DSCAM: variants seen among roughly 807,000 people sequenced by gnomAD.
DSCAM encodes DS cell adhesion molecule.
DSCAM carries 47 observed loss-of-function variants against 217.7 expected under a neutral mutation model. The observed-to-expected ratio is 0.22, with a 90% CI of 0.17 to 0.28. The LOEUF (loss-of-function observed/expected upper bound fraction) is 0.28. Ranked by LOEUF, DSCAM falls within the 10% of genes least tolerant of loss-of-function variation. DSCAM has a pLI of 1.00. For synonymous variants in DSCAM, 1,056 were observed against 1,015.3 expected (o/e 1.04, Z -0.76); for missense variants, 2,080 against 2,618.3 (o/e 0.79, Z 4.49).
chr21:40,607,050 G>A (rs1419129852), intron 3 of DSCAM, among the ~76,000 whole-genome samples: 1 of 152,008 alleles, frequency 6.6e-6, no homozygotes, highest in African/African-American at 2.4e-5. Flanking sequence ...CCTTTTTCCT[G>A]TATAAATTAC....
chr21:40,138,599 G>GAT (rs2090243530), intron 18 of DSCAM, among the ~76,000 whole-genome samples: 1 of 140,544 alleles, frequency 7.1e-6, no homozygotes, highest in Non-Finnish European at 1.5e-5. Flanking sequence ...ATGTGGTGTA[G>GAT]GTGAGGTGTG....
chr21:40,469,738 A>G (rs1395362215), intron 3 of DSCAM, among the ~76,000 whole-genome samples: 9 of 152,238 alleles, frequency 5.9e-5, no homozygotes, highest in Non-Finnish European at 1.3e-4. Context: ...TAAATACCAG[A>G]AATTTAGTTA....
chr21:40,840,039 G>A (rs561937044), intron 1 of DSCAM, among the ~76,000 whole-genome samples: 40 of 152,220 alleles, frequency 2.6e-4, no homozygotes, highest in African/African-American at 7.7e-4. Flanking sequence ...AAAAATCAGC[G>A]TTGATCACAT....
intron 30 of DSCAM, among the ~76,000 whole-genome samples, chr21:40,051,638 T>A (rs2088933131): frequency 6.6e-6 from 1 of 152,222 alleles, no homozygotes; most frequent in Non-Finnish European, 1.5e-5. Flanking sequence ...TCTATCCCAA[T>A]ACTGGCATAC....
At chr21:40,767,612 C>T (rs2091404977) in intron 1 of DSCAM, among the ~76,000 whole-genome samples, 1 of 152,194 alleles carries the variant, frequency 6.6e-6, no homozygotes, top group African/African-American at 2.4e-5. Context: ...TGCAAAGTAT[C>T]AGCCTGTCGT....
intron 3 of DSCAM, among the ~76,000 whole-genome samples, chr21:40,625,083 CATT>C (rs1260686858): frequency 6.6e-6 from 1 of 151,828 alleles, no homozygotes; most frequent in Admixed American, 6.6e-5. Context: ...TAGTTTAAAT[CATT>C]ATTATTTAGG....
chr21:40,575,830 C>G (rs1288243682), intron 3 of DSCAM, among the ~76,000 whole-genome samples: 2 of 151,528 alleles, frequency 1.3e-5, no homozygotes, highest in Non-Finnish European at 2.9e-5. Context: ...AAAAATTAGG[C>G]AAATGACCTG....
intron 26 of DSCAM, 62 bp downstream of exon 26, chr21:40,078,625 C>A (rs1288908209): frequency 4.3e-5 from 67 of 1,566,778 alleles, no homozygotes; most frequent in Non-Finnish European, 5.5e-5. Flanking sequence ...GGGAAAGGGG[C>A]AGGGCCCACG....
intron 32 of DSCAM, among the ~76,000 whole-genome samples, chr21:40,033,043 A>G (rs2088557992): frequency 6.6e-6 from 1 of 152,132 alleles, no homozygotes; most frequent in Admixed American, 6.6e-5. Flanking sequence ...CATTTGTTCC[A>G]CCCTTATCCA....
At chr21:40,483,442 T>A (rs2075999327) in intron 3 of DSCAM, among the ~76,000 whole-genome samples, 1 of 152,222 alleles carries the variant, frequency 6.6e-6, no homozygotes, top group East Asian at 1.9e-4. Context: ...GGTTTTAGTG[T>A]CACTGGCCAA....
At chr21:40,493,188 C>G (rs1476329683) in intron 3 of DSCAM, among the ~76,000 whole-genome samples, 2 of 152,156 alleles carry the variant, frequency 1.3e-5, no homozygotes, top group Admixed American at 1.3e-4. Flanking sequence ...CTTGCCAACA[C>G]TTATATTTTT....
At chr21:40,053,563 A>G (rs1037462776) in intron 29 of DSCAM, among the ~76,000 whole-genome samples, 2 of 152,238 alleles carry the variant, frequency 1.3e-5, no homozygotes, top group Admixed American at 1.3e-4. Context: ...GAGGTTAACC[A>G]TTCATTCTAG....
At chr21:40,517,123 GTATA>G (rs576161361) in intron 3 of DSCAM, among the ~76,000 whole-genome samples, 2 of 146,212 alleles carry the variant, frequency 1.4e-5, no homozygotes, top group East Asian at 4.0e-4. Flanking sequence ...TACCTTATGT[GTATA>G]TATATATACC....
intron 1 of DSCAM, among the ~76,000 whole-genome samples, chr21:40,829,612 T>TG (rs1955907906): frequency 6.6e-6 from 1 of 152,166 alleles, no homozygotes; most frequent in Admixed American, 6.6e-5. Flanking sequence ...AAGTTGGCGT[T>TG]GGAGTCAGCT....
intron 1 of DSCAM, among the ~76,000 whole-genome samples, chr21:40,833,263 T>C (rs1449177604): frequency 6.6e-6 from 1 of 152,160 alleles, no homozygotes; most frequent in East Asian, 1.9e-4. Flanking sequence ...ACGGTTTCAA[T>C]ATTTCCCAGA....
intron 8 of DSCAM, among the ~76,000 whole-genome samples, chr21:40,312,630 C>T (rs529396050): frequency 6.6e-6 from 1 of 152,298 alleles, no homozygotes; most frequent in South Asian, 2.1e-4. Context: ...ACATTTCAGA[C>T]TATATCTGTA....
intron 27 of DSCAM, among the ~76,000 whole-genome samples, chr21:40,073,947 A>C (rs2089329836): frequency 6.6e-6 from 1 of 152,222 alleles, no homozygotes; most frequent in Non-Finnish European, 1.5e-5. Context: ...CAGATGAAGT[A>C]CAATGTACTT....
Position 40,347,962 on chromosome 21 carries a change from G to C in DSCAM, c.935-17C>G, listed in dbSNP as rs1054476953. 5.0e-6 allele frequency: 8 copies of C among 1,597,426 alleles called. No homozygotes were observed. Among genetic ancestry groups the C allele is most frequent in the East Asian group, 2.2e-5 (1 of 44,646 alleles). On this transcript the variant is annotated splice_polypyrimidine_tract_variant and intron_variant, in intron 5 of 32. Coordinates refer to ENST00000400454, the MANE Select transcript of DSCAM (RefSeq NM_001389.5). Reference sequence around the variant, plus strand: ...TCAGTGGCTCTGGAGGTTTTAGTAAGAGAGAGAGAAAAAAGATAAAAACAT... The same window carrying C: ...TCAGTGGCTCTGGAGGTTTTAGTAACAGAGAGAGAAAAAAGATAAAAACAT...
chr21:40,167,351 A>G (rs1868550826), intron 15 of DSCAM, 63 bp from the exon 16 acceptor site: 3 of 1,491,130 alleles, frequency 2.0e-6, no homozygotes, highest in South Asian at 1.1e-5. Context: ...CGAAGCCTAC[A>G]CAGCCAAAGG....
Sources: gnomAD v4.1 joint callset for allele counts (sites outside exome capture counted in the v4.1 genomes callset) on GRCh38, gnomAD v4.1.1 for gene constraint, MANE v1.5 for transcripts, NCBI Gene and HGNC (gene_info 2026-07-23, HGNC 2026-07-21) for gene names.